RICTOR: variants seen among roughly 807,000 people sequenced by gnomAD.
RICTOR encodes the protein RPTOR independent companion of MTOR complex 2.
In RICTOR, 49 loss-of-function variants were observed where a neutral mutation model predicts 214.9. The ratio of observed to expected loss-of-function variants is 0.23; its 90% CI spans 0.18 to 0.29. The LOEUF (loss-of-function observed/expected upper bound fraction) is 0.29. Ranked by LOEUF, RICTOR falls within the 10% of genes least tolerant of loss-of-function variation. The pLI is 1.00. For synonymous variants in RICTOR, 717 were observed against 711.3 expected, an observed-to-expected ratio of 1.01 and a Z score of -0.13; for missense variants, 1,625 against 2,047.0, an observed-to-expected ratio of 0.79 and a Z score of 3.98.
At chr5:39,021,963 C>A (rs577627394) in intron 2 of RICTOR, among the ~76,000 whole-genome samples, 15 of 152,230 alleles carry the variant, frequency 9.9e-5, no homozygotes, top group Admixed American at 7.8e-4. Context: ...AACGGTTAGA[C>A]CTAATTTTTC....
At chr5:38,978,498 C>A in intron 9 of RICTOR, 85 bp downstream of exon 9, 3 of 551,256 alleles carry the variant, frequency 5.4e-6, no homozygotes, top group South Asian at 3.2e-5. Flanking sequence ...ATTTCTCTGG[C>A]TGTACATGGA....
At position 39,026,845 on chromosome 5, in the gene RICTOR, T is replaced by A. The variant is rs183972349; in HGVS notation, c.98-5709A>T. On this transcript the variant is annotated intron_variant, in intron 2 of 37. Coordinates refer to ENST00000357387, the MANE Select transcript of RICTOR (RefSeq NM_152756.5). ...CAATATGGAGAAACCCCGTCTCTCC[T>A]AACAATACAAAATAAGCTGGGCGTG... Among the ~76,000 whole-genome samples, 488 of 151,884 alleles carry A rather than the reference T, an allele frequency of 3.2e-3. 13 individuals are homozygous for A. The highest frequency in any genetic ancestry group is 0.027 in the Admixed American group (416 of 15,246).
rs2150107553 is a variant in RICTOR, at chr5:39,003,580, G to T, written c.238C>A (p.His80Asn). The T allele has an allele frequency of 6.2e-7, 1 of 1,609,122 alleles. No homozygotes were observed. Among genetic ancestry groups the T allele is most frequent in the Non-Finnish European group, 8.5e-7 (1 of 1,176,650 alleles). The part of the protein sequence containing the change: ...IGHSEEKLGF[H>N]YEDIIICLRL... ...TACCAAATTATGATATCCTCATAGT[G>T]AAAGCCCAGTTTTTCTTCACTGTGG... The change falls in exon 4 of 38, where the codon CAC (histidine) becomes AAC (asparagine). Residue 80 changes from histidine to asparagine, a missense_variant. This residue lies in a region of RICTOR where 258 missense variants were observed against 393.7 expected (regional missense o/e 0.66). Transcript: ENST00000357387.
chr5:38,982,551 C>T (rs10052478), intron 7 of RICTOR, among the ~76,000 whole-genome samples: 1,983 of 152,150 alleles, frequency 0.013, 45 homozygotes, highest in African/African-American at 0.044. Flanking sequence ...AGTTACACTT[C>T]GGTTTTCAAT....
At position 38,941,890 on chromosome 5, in the gene RICTOR, TA is replaced by T. The variant is rs953266775; in HGVS notation, c.*413del. 4.3e-6 allele frequency: 1 copy of T among 234,166 alleles called. No individual in the cohort carries two copies. The highest frequency in any genetic ancestry group is 8.4e-6 in the Non-Finnish European group (1 of 118,474). The allele number at this position is 234,166 out of a possible 1,614,324, so 14.5% of individuals were successfully genotyped here. A position where few individuals can be genotyped will look rare whatever the true frequency, so the allele number is the denominator to read the frequency against. On this transcript the variant is annotated 3_prime_UTR_variant, in exon 38 of 38. Coordinates refer to ENST00000357387, the MANE Select transcript of RICTOR (RefSeq NM_152756.5). ...TGATTCCTGCTTTCCACAAGTTAGTTAACAAACAAGGCATCTGTATTATTTA... is the reference window on the plus strand; with the variant it reads ...TGATTCCTGCTTTCCACAAGTTAGTTACAAACAAGGCATCTGTATTATTTA...
chr5:39,065,772 T>C (rs1435421393), intron 2 of RICTOR, among the ~76,000 whole-genome samples: 3 of 152,236 alleles, frequency 2.0e-5, no homozygotes, highest in Non-Finnish European at 4.4e-5. Context: ...AGCTCCAAAA[T>C]AATCTCCTTT....
At position 38,966,643 on chromosome 5, in the gene RICTOR, T is replaced by C. The variant is rs758863496; in HGVS notation, c.1297A>G (p.Met433Val). 26 of 1,497,716 alleles carry C rather than the reference T, an allele frequency of 1.7e-5. No homozygotes were observed. Among genetic ancestry groups the C allele is most frequent in the Non-Finnish European group, 2.1e-5 (23 of 1,082,584 alleles). 92.8% of individuals were successfully genotyped at this position (1,497,716 alleles called of 1,614,324 possible). ...ATILLGELLHMANTILPHSHS... is the reference protein window; with the variant it reads ...ATILLGELLHVANTILPHSHS... ...TAATCAGAAGTTGCTAAACTTACCA[T>C]ATGTAAAAGCTCTCCTAAAAGGATG... Residue 433 changes from methionine to valine, a missense_variant and splice_region_variant, in exon 15 of 38, where the codon ATG becomes GTG. Coordinates refer to ENST00000357387, the MANE Select transcript of RICTOR (RefSeq NM_152756.5).
At chr5:39,064,917 G>C (rs539582941) in intron 2 of RICTOR, among the ~76,000 whole-genome samples, 6 of 152,244 alleles carry the variant, frequency 3.9e-5, no homozygotes, top group African/African-American at 1.2e-4. Flanking sequence ...TTAGAGGTGA[G>C]GAAATTGAAG....
In RICTOR at chr5:38,964,809, G is replaced by T. The variant is rs1750079502; in HGVS notation, c.1383C>A (p.Ile461=). Reference sequence around the variant, plus strand: ...ATACTTACAGTCTCTTTTCCTTGGGGATATCAAAGGATGCAGCCATATTCA... The same window carrying T: ...ATACTTACAGTCTCTTTTCCTTGGGTATATCAAAGGATGCAGCCATATTCA... ...TLMNMAASFD[I]PKEKRLRASA... The change falls in exon 16 of 38, where the codon ATC becomes ATA. Residue 461 remains isoleucine, a synonymous_variant. Coordinates refer to ENST00000357387, the MANE Select transcript of RICTOR (RefSeq NM_152756.5). 6 of 1,580,558 alleles carry T rather than the reference G, an allele frequency of 3.8e-6. No homozygotes were observed. The highest frequency in any genetic ancestry group is 1.4e-5 in the African/African-American group (1 of 73,878).
At chr5:39,065,596 C>T (rs755532561) in intron 2 of RICTOR, among the ~76,000 whole-genome samples, 26 of 152,226 alleles carry the variant, frequency 1.7e-4, no homozygotes, top group Non-Finnish European at 2.8e-4. Flanking sequence ...GTCCCTTCCA[C>T]TTATGAGGCT....
intron 6 of RICTOR, among the ~76,000 whole-genome samples, chr5:38,994,582 T>C (rs1170222243): frequency 6.6e-6 from 1 of 152,098 alleles, no homozygotes; most frequent in Non-Finnish European, 1.5e-5. Flanking sequence ...TGTGCCACAA[T>C]TCTACCGCTG....
At chr5:39,031,691 T>A (rs187498653) in intron 2 of RICTOR, among the ~76,000 whole-genome samples, 1 of 152,298 alleles carries the variant, frequency 6.6e-6, no homozygotes, top group East Asian at 1.9e-4. Context: ...GATGTATTTG[T>A]GAATACACAT....
intron 3 of RICTOR, among the ~76,000 whole-genome samples, chr5:39,008,516 ATAATTT>A (rs961660641): frequency 6.6e-6 from 1 of 152,140 alleles, no homozygotes; most frequent in African/African-American, 2.4e-5. Flanking sequence ...AAATATTACT[ATAATTT>A]TGTATTGAAA....
chr5:38,952,920 C>A, intron 29 of RICTOR, 65 bp downstream of exon 29: 1 of 907,528 alleles, frequency 1.1e-6, no homozygotes, highest in Non-Finnish European at 1.8e-6. Context: ...AAAATACTTT[C>A]CCCTAACATC....
rs761068375 is a variant in RICTOR, at chr5:38,967,982, C to T, written c.1021G>A (p.Val341Ile). The T allele has an allele frequency of 6.2e-6, 10 of 1,607,484 alleles. No homozygotes were observed. The Admixed American group carries it at 1.0e-4, about 16-fold the overall frequency. Residue 341 changes from valine (V) to isoleucine (I), a missense_variant, in exon 12 of 38, where the codon GTT (valine) becomes ATT (isoleucine). This residue lies in a region of RICTOR where 258 missense variants were observed against 393.7 expected (regional missense o/e 0.66). Coordinates refer to ENST00000357387, the MANE Select transcript of RICTOR (RefSeq NM_152756.5). ...LYDIFRLPLP[V>I]VTEEFIEALL... ...GCTTCTATGAACTCCTCAGTCACAACAGGTAGAGGAAGACGAAATATATCA... is the reference window on the plus strand; with the variant it reads ...GCTTCTATGAACTCCTCAGTCACAATAGGTAGAGGAAGACGAAATATATCA...
At chr5:39,041,305 T>A (rs1724454061) in intron 2 of RICTOR, among the ~76,000 whole-genome samples, 1 of 152,226 alleles carries the variant, frequency 6.6e-6, no homozygotes, top group South Asian at 2.1e-4. Flanking sequence ...AGAAATTCTA[T>A]ATCTTCAGAA....
rs1206376191 is a variant in RICTOR, at chr5:38,938,471, C to CT, written c.*3832dup. On this transcript the variant is annotated 3_prime_UTR_variant, in exon 38 of 38. Coordinates refer to ENST00000357387, the MANE Select transcript of RICTOR (RefSeq NM_152756.5). Reference sequence around the variant, plus strand: ...CCAAGTAGCAAAATTGAAAGGTATGCTTTTTTTGGCATAAATTATATTTTT... The same window carrying CT: ...CCAAGTAGCAAAATTGAAAGGTATGCTTTTTTTTGGCATAAATTATATTTTT... The CT allele has an allele frequency of 6.9e-5, 16 of 231,516 alleles. No individual in the cohort carries two copies. The highest frequency in any genetic ancestry group is 2.7e-4 in the African/African-American group (12 of 45,178). 14.3% of individuals were successfully genotyped at this position (231,516 alleles called of 1,614,324 possible). A position where few individuals can be genotyped will look rare whatever the true frequency, so the allele number is the denominator to read the frequency against.
intron 2 of RICTOR, among the ~76,000 whole-genome samples, chr5:39,052,059 T>A (rs1206047267): frequency 6.6e-6 from 1 of 152,054 alleles, no homozygotes; most frequent in Non-Finnish European, 1.5e-5. Context: ...TGAGTCAAAA[T>A]CTCAGTCAGC....
rs1377027840 is a variant in RICTOR at position 38,944,522 on chromosome 5, G to A, written c.4837C>T (p.Arg1613Cys). 1 of 1,611,556 alleles carries A rather than the reference G, an allele frequency of 6.2e-7. No homozygotes were observed. Among genetic ancestry groups the A allele is most frequent in the Non-Finnish European group, 8.5e-7 (1 of 1,178,416 alleles). The stretch of plus-strand genomic sequence containing the variant: ...ATGACTAATCTTAGAACTTCTTTGC[G>A]AAGGAGTATACGGCACATTGGTGTA... ...DDTPMCRILL[R>C]KEVLRLVINL... Residue 1613 changes from arginine to cysteine, a missense_variant, in exon 36 of 38, where the codon CGC becomes TGC. Around this residue, in one of 5 missense-constraint regions of RICTOR, gnomAD observed 44 missense variants for 90.1 expected, o/e 0.49. Transcript: ENST00000357387.
Sources: allele counts gnomAD v4.1 joint callset (sites outside exome capture counted in the v4.1 genomes callset), GRCh38; gene constraint gnomAD v4.1.1; regional missense constraint gnomAD v4.1.1; transcripts MANE v1.5; gene names NCBI Gene and HGNC (gene_info 2026-07-23, HGNC 2026-07-21).